Variants in TCF7L2 observed in about 807,000 individuals in gnomAD.
TCF7L2 encodes the protein transcription factor 7 like 2.
A neutral mutation model predicts 77.9 loss-of-function variants in TCF7L2; 23 were observed. The observed-to-expected ratio is 0.30, with a 90% CI of 0.21 to 0.42. The LOEUF is 0.42. Among genes scored for constraint, TCF7L2 ranks in the 10% least tolerant of loss-of-function variants. The probability of loss-of-function intolerance (pLI) is 1.00; values close to 1 mark genes in which losing one functional copy is unlikely to be tolerated. For synonymous variants in TCF7L2, 413 were observed against 340.2 expected (o/e 1.21, Z -2.36); for missense variants, 654 against 793.1 (o/e 0.82, Z 2.11).
chr10:112,981,303 G>A (rs1457174305), intron 4 of TCF7L2, among the ~76,000 whole-genome samples: 1 of 92,734 alleles, frequency 1.1e-5, no homozygotes, highest in Non-Finnish European at 2.1e-5. Flanking sequence ...GAAGAGACCC[G>A]TCCTCAAAAA....
chr10:113,152,447 G>C lies in TCF7L2; in HGVS notation c.1269+7G>C, dbSNP rs563253367. 1 of 1,609,078 alleles carries C rather than the reference G, an allele frequency of 6.2e-7. No individual in the cohort carries two copies. The highest frequency in any genetic ancestry group is 1.7e-5 in the Admixed American group (1 of 59,736). On this transcript the variant is annotated splice_region_variant and intron_variant, in intron 11 of 13. Transcript: ENST00000627217. ...GTCCGCGCGGGATAACTATGTAGGTGGATCATTTTCGTTAGGATTGGAGTC... is the reference window on the plus strand; with the variant it reads ...GTCCGCGCGGGATAACTATGTAGGTCGATCATTTTCGTTAGGATTGGAGTC...
chr10:113,159,736 T>TA (rs1375451079), intron 12 of TCF7L2, among the ~76,000 whole-genome samples, 184 bp from the exon 14 acceptor site: 1 of 151,992 alleles, frequency 6.6e-6, no homozygotes, highest in African/African-American at 2.4e-5. Context: ...TAAAGAAAGT[T>TA]AAAAAACGAA....
At chr10:113,140,829 C>T (rs1405546987) in intron 5 of TCF7L2, among the ~76,000 whole-genome samples, 1 of 152,128 alleles carries the variant, frequency 6.6e-6, no homozygotes, top group Non-Finnish European at 1.5e-5. Flanking sequence ...GAGGTCCCCA[C>T]AACATGTGGA....
intron 5 of TCF7L2, among the ~76,000 whole-genome samples, chr10:113,116,433 C>T (rs890034188): frequency 6.6e-5 from 10 of 151,970 alleles, no homozygotes; most frequent in African/African-American, 2.4e-4. Flanking sequence ...GCAAACATTG[C>T]CAGTATCTTA....
At chr10:113,121,735 TAC>T (rs975910283) in intron 5 of TCF7L2, among the ~76,000 whole-genome samples, 1 of 150,616 alleles carries the variant, frequency 6.6e-6, no homozygotes, top group Non-Finnish European at 1.5e-5. Flanking sequence ...CACGCACACA[TAC>T]ACACAACACA....
At chr10:113,153,565 C>A (rs2071214523) in intron 11 of TCF7L2, among the ~76,000 whole-genome samples, 1 of 152,178 alleles carries the variant, frequency 6.6e-6, no homozygotes, top group African/African-American at 2.4e-5. Context: ...TGAAACATAT[C>A]ATGGCCTTTG....
At chr10:113,009,994 C>T (rs1300775421) in intron 4 of TCF7L2, among the ~76,000 whole-genome samples, 1 of 151,866 alleles carries the variant, frequency 6.6e-6, no homozygotes, top group Non-Finnish European at 1.5e-5. Context: ...CCCTGTGTGT[C>T]ACCCACGGGC....
At chr10:113,157,809 G>T (rs113156186) in intron 11 of TCF7L2, 267 of 519,956 alleles carry the variant, frequency 5.1e-4, no homozygotes, top group African/African-American at 4.7e-3. Flanking sequence ...TCCCTTCTCT[G>T]CTCCCAAGAA....
At chr10:113,105,601 A>T (rs896825800) in intron 5 of TCF7L2, among the ~76,000 whole-genome samples, 26 of 152,174 alleles carry the variant, frequency 1.7e-4, no homozygotes, top group African/African-American at 6.0e-4. Context: ...CCTGGTGACC[A>T]GGGAGGTGCC....
intron 8 of TCF7L2, 118 bp downstream of exon 8, chr10:113,146,215 G>A: frequency 1.1e-6 from 1 of 927,276 alleles, no homozygotes; most frequent in Non-Finnish European, 1.7e-6. Flanking sequence ...TTAGTGTAAA[G>A]CCAATGTGGC....
At chr10:112,976,056 A>G (rs968602394) in intron 4 of TCF7L2, among the ~76,000 whole-genome samples, 3 of 152,194 alleles carry the variant, frequency 2.0e-5, no homozygotes, top group African/African-American at 7.2e-5. Flanking sequence ...AGGTATATCT[A>G]TCTGGGTTTG....
intron 5 of TCF7L2, among the ~76,000 whole-genome samples, chr10:113,058,135 C>T (rs1033129491): frequency 6.6e-6 from 1 of 152,218 alleles, no homozygotes; most frequent in Non-Finnish European, 1.5e-5. Context: ...ATGTTACAAT[C>T]TTACCTTTGG....
chr10:112,998,183 CT>C (rs1158768705), intron 4 of TCF7L2, among the ~76,000 whole-genome samples: 2 of 151,330 alleles, frequency 1.3e-5, no homozygotes, highest in Non-Finnish European at 2.9e-5. Context: ...AAGAGGTGCT[CT>C]CACCTCAGCC....
chr10:113,117,318 C>T (rs1455619587), intron 5 of TCF7L2, among the ~76,000 whole-genome samples: 3 of 149,270 alleles, frequency 2.0e-5, no homozygotes, highest in African/African-American at 7.4e-5. Context: ...TTTGCTTCTC[C>T]TAGATGCTAC....
rs2136841970 is a variant in TCF7L2 at position 113,141,299 on chromosome 10, A to G, written c.668A>G (p.Asp223Gly). ...AACCCACCTCCACACTTACCAGCCG[A>G]CGTAGACCCCAAAACAGGTAGGCTG... Residue 223 changes from aspartate to glycine, a missense_variant, in exon 6 of 14, where the codon GAC (aspartate) becomes GGC (glycine). Physicochemically the swap from Asp to Gly is moderately conservative, Grantham distance 94. Coordinates refer to ENST00000627217, the MANE Select transcript of TCF7L2 (RefSeq NM_001146274.2). 6.2e-7 allele frequency: 1 copy of G among 1,614,142 alleles called. No homozygotes were observed.
rs2036062727 is a variant in TCF7L2, at chr10:112,964,585, C to A, written c.411C>A (p.Tyr137Ter). The A allele has an allele frequency of 1.2e-6, 2 of 1,613,462 alleles. No individual in the cohort carries two copies. The change falls in exon 4 of 14, where the codon TAC becomes TAA. Residue 137 changes from tyrosine (Y) to a stop codon, truncating the protein, a stop_gained. Coordinates refer to ENST00000627217, the MANE Select transcript of TCF7L2 (RefSeq NM_001146274.2). LOFTEE classifies it high-confidence loss of function. ...ATTTTCAGTCCGGCAGCACACATTACTCTGCGTACAAAACGATTGAACACC... is the reference window on the plus strand; with the variant it reads ...ATTTTCAGTCCGGCAGCACACATTAATCTGCGTACAAAACGATTGAACACC...
At chr10:113,088,139 T>G (rs376551143) in intron 5 of TCF7L2, among the ~76,000 whole-genome samples, 11 of 152,064 alleles carry the variant, frequency 7.2e-5, no homozygotes, top group African/African-American at 2.4e-4. Context: ...AGCTATTTCT[T>G]TTTTTTTAAA....
intron 5 of TCF7L2, among the ~76,000 whole-genome samples, chr10:113,121,307 G>A (rs1457813509): frequency 1.3e-5 from 2 of 152,174 alleles, no homozygotes; most frequent in Non-Finnish European, 2.9e-5. Flanking sequence ...GAGGAGCAAA[G>A]CAGGTGGCTC....
intron 4 of TCF7L2, among the ~76,000 whole-genome samples, chr10:113,024,050 C>T (rs1171892835): frequency 1.3e-5 from 2 of 151,908 alleles, no homozygotes; most frequent in Non-Finnish European, 2.9e-5. Flanking sequence ...GTAATCCTAG[C>T]ACTCTGGGAG....
Sources: gnomAD v4.1 joint callset for allele counts (sites outside exome capture counted in the v4.1 genomes callset) on GRCh38, gnomAD v4.1.1 for gene constraint, MANE v1.5 for transcripts, NCBI Gene and HGNC (gene_info 2026-07-23, HGNC 2026-07-21) for gene names.